Variants in RGPD1 observed in about 807,000 individuals in gnomAD.
The protein encoded by RGPD1 is RANBP2-like and GRIP domain-containing protein 1.
Under a neutral mutation model 40.6 loss-of-function variants are expected in RGPD1, and 7 were observed. The observed-to-expected ratio is 0.17, with a 90% CI of 0.10 to 0.32. The LOEUF (loss-of-function observed/expected upper bound fraction) is 0.32, where lower values mean the gene tolerates loss of function less well. RGPD1 is among the 10% of genes least tolerant of loss of function. The probability of loss-of-function intolerance (pLI) is 1.00; values close to 1 mark genes in which losing one functional copy is unlikely to be tolerated. For missense variants in RGPD1, 50 were observed against 472.5 expected, an observed-to-expected ratio of 0.11 and a Z score of 8.29; for synonymous variants, 24 against 167.0, an observed-to-expected ratio of 0.14 and a Z score of 6.60.
chr2:86,945,263 T>C (rs893167249), intron 1 of RGPD1, among the ~76,000 whole-genome samples: 2 of 151,986 alleles, frequency 1.3e-5, no homozygotes, highest in Admixed American at 6.6e-5. Flanking sequence ...AAATTTAAAG[T>C]CATTTACATT....
At chr2:86,924,454 C>G (rs1196854975) in intron 1 of RGPD1, among the ~76,000 whole-genome samples, 1 of 150,502 alleles carries the variant, frequency 6.6e-6, no homozygotes, top group African/African-American at 2.4e-5. Context: ...CATGCCCGGC[C>G]CGTGGACATA....
upstream of RGPD1, among the ~76,000 whole-genome samples, chr2:86,942,070 C>T (rs926273743): frequency 6.0e-5 from 9 of 151,202 alleles, no homozygotes; most frequent in Non-Finnish European, 8.9e-5. Context: ...GCAGCTCGAG[C>T]GCCGACGTCG....
intron 1 of RGPD1, among the ~76,000 whole-genome samples, chr2:86,919,097 TAAAAG>T (rs1378647039): frequency 4.3e-4 from 19 of 43,952 alleles, no homozygotes; most frequent in African/African-American, 2.2e-3. Flanking sequence ...AATTGAATCT[TAAAAG>T]AGAAACTGTG....
intron 1 of RGPD1, among the ~76,000 whole-genome samples, chr2:86,924,822 C>T (rs1346201567): frequency 2.0e-5 from 3 of 150,636 alleles, no homozygotes; most frequent in African/African-American, 7.3e-5. Context: ...ATTTTAATTT[C>T]TTTTAATTTA....
At chr2:86,924,921 G>C (rs1678361714) in intron 1 of RGPD1, among the ~76,000 whole-genome samples, 3 of 150,340 alleles carry the variant, frequency 2.0e-5, no homozygotes, top group Admixed American at 1.3e-4. Context: ...AGACCAGCCT[G>C]GGCAACATAT....
At chr2:86,942,752 G>A (rs1420982927) in intron 1 of RGPD1, among the ~76,000 whole-genome samples, 1 of 151,382 alleles carries the variant, frequency 6.6e-6, no homozygotes, top group Non-Finnish European at 1.5e-5. Context: ...CTCCTGACGG[G>A]CGCTGCTCCC....
chr2:87,007,743 CAAACTAAAGTCTTACCTACT>C, intron 22 of RGPD1, among the ~76,000 whole-genome samples: 1 of 151,970 alleles, frequency 6.6e-6, no homozygotes, highest in Non-Finnish European at 1.5e-5. Flanking sequence ...TAATGTATTA[CAAACTAAAGTCTTACCTACT>C]CTTGAAGAGT....
intron 22 of RGPD1, among the ~76,000 whole-genome samples, chr2:87,006,818 C>T (rs1464456447): frequency 1.8e-5 from 1 of 55,950 alleles, no homozygotes; most frequent in Non-Finnish European, 3.1e-5. Context: ...TCATTTGTAA[C>T]ACATTACATT....
chr2:86,988,441 CAAAA>C (rs1174110236), intron 20 of RGPD1, among the ~76,000 whole-genome samples: 9 of 33,258 alleles, frequency 2.7e-4, no homozygotes, highest in African/African-American at 8.8e-4. Flanking sequence ...ACTTTGTCTC[CAAAA>C]AAAAAAAAAA....
At chr2:86,960,415 C>T (rs1322505393) in intron 6 of RGPD1, among the ~76,000 whole-genome samples, 2 of 70,462 alleles carry the variant, frequency 2.8e-5, no homozygotes, top group Admixed American at 1.2e-4. Context: ...TTAGTAGAGA[C>T]GGAGTGTCAC....
chr2:86,942,466 C>CTGGCCTCGACCTGGCCGGGCGGCGGCGG (rs1679899671), intron 1 of RGPD1, among the ~76,000 whole-genome samples, 158 bp downstream of exon 1: 2 of 53,648 alleles, frequency 3.7e-5, no homozygotes, highest in East Asian at 6.5e-4. Context: ...TGTTGAGGCG[C>CTGGCCTCGACCTGGCCGGGCGGCGGCGG]CGGCCTCGAC....
chr2:86,942,648 G>A (rs1221456617), intron 1 of RGPD1, among the ~76,000 whole-genome samples: 1 of 133,018 alleles, frequency 7.5e-6, no homozygotes, highest in Non-Finnish European at 1.6e-5. Context: ...CGCCGGCCTC[G>A]ACCTGGCCGG....
Position 86,930,446 on chromosome 2 carries a change from A to T in RGPD1, c.72+16525A>T. The T allele has an allele frequency of 2.1e-6, 3 of 1,462,246 alleles. 1 individual carries two copies. The highest frequency in any genetic ancestry group is 2.8e-6 in the Non-Finnish European group (3 of 1,060,352). The allele number at this position is 1,462,246 out of a possible 1,614,324, so 90.6% of individuals were successfully genotyped here. On this transcript the variant is annotated intron_variant, in intron 1 of 22. Coordinates refer to the RGPD1 transcript ENST00000398193. ...AACCGGTAGGGAAAGGACCAGCCCC[A>T]TGGCATGCCCCATGATAAGCCAACA...
chr2:86,938,567 C>G (rs1456326828), upstream of RGPD1, among the ~76,000 whole-genome samples: 1 of 149,926 alleles, frequency 6.7e-6, no homozygotes, highest in Non-Finnish European at 1.5e-5. Flanking sequence ...ATCAAGCAAG[C>G]TGACATATTC....
upstream of RGPD1, among the ~76,000 whole-genome samples, chr2:86,938,610 A>T (rs1373552489): frequency 2.2e-4 from 33 of 152,088 alleles, no homozygotes; most frequent in Non-Finnish European, 2.9e-4. Context: ...AAAAAAAAAA[A>T]AAAATAAATA....
intron 1 of RGPD1, among the ~76,000 whole-genome samples, chr2:86,931,763 C>G (rs1678981921): frequency 6.7e-6 from 1 of 150,284 alleles, no homozygotes; most frequent in African/African-American, 2.4e-5. Flanking sequence ...AAACATAAAA[C>G]TACATAAAAA....
At position 86,945,770 on chromosome 2, in the gene RGPD1, G is replaced by C. The variant is rs1173021515; in HGVS notation, c.72+3462G>C. Among the ~76,000 whole-genome samples, 1,253 of 148,160 alleles carry C rather than the reference G, an allele frequency of 8.5e-3. 22 individuals carry two copies. The highest frequency in any genetic ancestry group is 0.03 in the African/African-American group (1,199 of 40,120). The stretch of plus-strand genomic sequence containing the variant: ...GCAGCGCCTGTAGTCCCACCTACTC[G>C]GTAGGCTGAGACAGGAGAATTGCTT... On this transcript the variant is annotated intron_variant, in intron 1 of 22. Coordinates refer to ENST00000641458, the MANE Select transcript of RGPD1 (RefSeq NM_001382344.1).
intron 1 of RGPD1, among the ~76,000 whole-genome samples, chr2:86,924,446 T>G (rs1175815590): frequency 3.3e-5 from 5 of 150,884 alleles, no homozygotes; most frequent in Admixed American, 6.6e-5. Flanking sequence ...TGAGCCACCA[T>G]GCCCGGCCCG....
intron 1 of RGPD1, among the ~76,000 whole-genome samples, chr2:86,915,200 G>C (rs1677734988): frequency 6.6e-6 from 1 of 150,552 alleles, no homozygotes; most frequent in Non-Finnish European, 1.5e-5. Context: ...GGAGTCTGAG[G>C]CAGGAGAATT....
Sources: allele counts gnomAD v4.1 joint callset (sites outside exome capture counted in the v4.1 genomes callset), GRCh38; gene constraint gnomAD v4.1.1; transcripts MANE v1.5; gene names NCBI Gene and HGNC (gene_info 2026-07-23, HGNC 2026-07-21).